The following AGBL4 variants were observed in gnomAD, a reference collection of about 807,000 sequenced individuals.
AGBL4 encodes the protein cytosolic carboxypeptidase 6.
In AGBL4, 58 loss-of-function variants were observed where a neutral mutation model predicts 66.4. That is an observed-to-expected ratio of 0.87 (90% CI 0.71 to 1.09). AGBL4 has a LOEUF of 1.09. Ranked by LOEUF, AGBL4 falls within the 50% of genes least tolerant of loss-of-function variation. AGBL4 has a pLI of 0.00. For synonymous variants in AGBL4, 234 were observed against 222.9 expected, an observed-to-expected ratio of 1.05 and a Z score of -0.44; for missense variants, 579 against 631.0, an observed-to-expected ratio of 0.92 and a Z score of 0.88.
chr1:49,706,610 G>A (rs535324877), intron 2 of AGBL4, among the ~76,000 whole-genome samples: 2 of 151,912 alleles, frequency 1.3e-5, no homozygotes, highest in South Asian at 4.2e-4. Flanking sequence ...CTTTCCTCTT[G>A]CTTCTCTAGT....
At chr1:49,578,371 A>C (rs1299615018) in intron 3 of AGBL4, among the ~76,000 whole-genome samples, 1 of 152,148 alleles carries the variant, frequency 6.6e-6, no homozygotes, top group Non-Finnish European at 1.5e-5. Flanking sequence ...AATGGCCCAG[A>C]CCCTTCAGGA....
chr1:49,992,871 G>A (rs1660070639), intron 1 of AGBL4, among the ~76,000 whole-genome samples: 2 of 152,136 alleles, frequency 1.3e-5, no homozygotes, highest in African/African-American at 4.8e-5. Context: ...CCCACTAAGG[G>A]AACACACTAT....
chr1:49,219,510 C>T (rs1428337864), intron 4 of AGBL4, among the ~76,000 whole-genome samples: 1 of 152,048 alleles, frequency 6.6e-6, no homozygotes, highest in Non-Finnish European at 1.5e-5. Context: ...ATGGTGCAAC[C>T]TATTTAAGAT....
intron 11 of AGBL4, among the ~76,000 whole-genome samples, chr1:48,575,506 T>C (rs1024340469): frequency 6.6e-6 from 1 of 152,154 alleles, no homozygotes; most frequent in Non-Finnish European, 1.5e-5. Context: ...GGTGTGGTTG[T>C]GGGTCACTGG....
chr1:49,834,315 G>T (rs932026543), intron 2 of AGBL4, among the ~76,000 whole-genome samples: 7 of 152,160 alleles, frequency 4.6e-5, no homozygotes, highest in Admixed American at 4.6e-4. Flanking sequence ...TCTTGGGAGG[G>T]TGTATGTGTC....
At chr1:49,459,568 C>T (rs996373308) in intron 3 of AGBL4, among the ~76,000 whole-genome samples, 2 of 151,476 alleles carry the variant, frequency 1.3e-5, no homozygotes, top group Non-Finnish European at 1.5e-5. Context: ...CTTGGTTAAT[C>T]TTGCTAGGTC....
rs549726675 is a variant in AGBL4 at position 49,015,422 on chromosome 1, A to ATTT, written c.594+30159_594+30161dup. Among the ~76,000 whole-genome samples the ATTT allele has an allele frequency of 5.0e-4, 64 of 128,656 alleles. No homozygotes were observed. In the East Asian group the frequency reaches 5.3e-3, roughly 11 times the overall value. 84.4% of individuals were successfully genotyped at this position (128,656 alleles called of 152,430 possible). A position where few individuals can be genotyped will look rare whatever the true frequency, so the allele number is the denominator to read the frequency against. ...TATCTAGATGATAGGATTTCAAGTAATTTTTTTTTTTTTTTTTTGAGATGG... is the reference window on the plus strand; with the variant it reads ...TATCTAGATGATAGGATTTCAAGTAATTTTTTTTTTTTTTTTTTTTTGAGATGG... On this transcript the variant is annotated intron_variant, in intron 5 of 13. Transcript: ENST00000371839.
intron 5 of AGBL4, among the ~76,000 whole-genome samples, chr1:49,035,159 T>C (rs1318277240): frequency 2.6e-5 from 4 of 152,146 alleles, no homozygotes; most frequent in Admixed American, 6.6e-5. Flanking sequence ...AATGAACCAA[T>C]GTTAATTTCT....
At chr1:49,701,282 ACT>A (rs1053450748) in intron 2 of AGBL4, among the ~76,000 whole-genome samples, 1 of 151,610 alleles carries the variant, frequency 6.6e-6, no homozygotes, top group Non-Finnish European at 1.5e-5. Flanking sequence ...ACAGAGTGAG[ACT>A]CTGTCTCAAA....
intron 4 of AGBL4, among the ~76,000 whole-genome samples, chr1:49,094,405 G>A (rs610349): frequency 0.014 from 2,195 of 152,190 alleles, 54 homozygotes; most frequent in African/African-American, 0.049. Flanking sequence ...TGAACACAAT[G>A]CATTTTGTTA....
At chr1:48,555,769 G>A (rs1644311914) in intron 11 of AGBL4, among the ~76,000 whole-genome samples, 1 of 152,154 alleles carries the variant, frequency 6.6e-6, no homozygotes, top group South Asian at 2.1e-4. Context: ...GTGAGTTAGG[G>A]CCTGAGCTCA....
intron 11 of AGBL4, among the ~76,000 whole-genome samples, chr1:48,566,039 T>C (rs1461451143): frequency 2.0e-5 from 3 of 152,224 alleles, no homozygotes; most frequent in Non-Finnish European, 4.4e-5. Flanking sequence ...CTCCTGTTAA[T>C]ACAATAATTT....
intron 4 of AGBL4, among the ~76,000 whole-genome samples, chr1:49,231,022 A>G (rs1650270598): frequency 1.3e-5 from 2 of 152,346 alleles, no homozygotes; most frequent in African/African-American, 4.8e-5. Flanking sequence ...AAAAGCAGAC[A>G]TTCATAGATT....
chr1:49,838,424 C>T (rs1645907349), intron 2 of AGBL4, among the ~76,000 whole-genome samples: 1 of 152,144 alleles, frequency 6.6e-6, no homozygotes, highest in Non-Finnish European at 1.5e-5. Context: ...GACAACGAAG[C>T]CTGGGAAATG....
intron 3 of AGBL4, among the ~76,000 whole-genome samples, chr1:49,402,184 C>T (rs1395436235): frequency 6.6e-6 from 1 of 151,952 alleles, no homozygotes; most frequent in Non-Finnish European, 1.5e-5. Flanking sequence ...TTTATTTCTG[C>T]TCTGATGCTT....
chr1:49,118,275 G>C (rs540927496), intron 4 of AGBL4, among the ~76,000 whole-genome samples: 2 of 152,306 alleles, frequency 1.3e-5, no homozygotes, highest in African/African-American at 4.8e-5. Context: ...TGGTGAGAGA[G>C]AGCATCCTTG....
chr1:49,904,134 T>C (rs1387480384), intron 1 of AGBL4, among the ~76,000 whole-genome samples: 1 of 152,182 alleles, frequency 6.6e-6, no homozygotes, highest in Non-Finnish European at 1.5e-5. Context: ...CACTGTATCA[T>C]ACTAAATCCA....
chr1:49,795,920 C>T (rs147925547), intron 2 of AGBL4, among the ~76,000 whole-genome samples: 10 of 151,830 alleles, frequency 6.6e-5, no homozygotes, highest in African/African-American at 2.4e-4. Flanking sequence ...AGAAAAGATA[C>T]AATGAATAAT....
At chr1:49,636,206 T>C (rs1170304779) in intron 3 of AGBL4, among the ~76,000 whole-genome samples, 1 of 152,232 alleles carries the variant, frequency 6.6e-6, no homozygotes, top group Non-Finnish European at 1.5e-5. Context: ...CAAACTCTTA[T>C]TTCTCACAGT....
Sources: allele counts gnomAD v4.1 joint callset (sites outside exome capture counted in the v4.1 genomes callset), GRCh38; gene constraint gnomAD v4.1.1; transcripts MANE v1.5; gene names NCBI Gene and HGNC (gene_info 2026-07-23, HGNC 2026-07-21).